The following CAMSAP1 variants were observed in gnomAD, a reference collection of about 807,000 sequenced individuals.
CAMSAP1 encodes calmodulin-regulated spectrin-associated protein 1.
A neutral mutation model predicts 143.5 loss-of-function variants in CAMSAP1; 58 were observed. The ratio of observed to expected loss-of-function variants is 0.40; its 90% CI spans 0.33 to 0.50. The LOEUF is 0.50. Ranked by LOEUF, CAMSAP1 falls within the 20% of genes least tolerant of loss-of-function variation. The pLI is 0.45. For synonymous variants in CAMSAP1, 945 were observed against 859.3 expected, an observed-to-expected ratio of 1.10 and a Z score of -1.74; for missense variants, 1,969 against 2,115.7, an observed-to-expected ratio of 0.93 and a Z score of 1.36.
At chr9:135,847,584 T>C (rs1836601268) in intron 7 of CAMSAP1, among the ~76,000 whole-genome samples, 1 of 150,422 alleles carries the variant, frequency 6.6e-6, no homozygotes, top group Admixed American at 6.6e-5. Flanking sequence ...AAGCCATCAT[T>C]CTCAGCAAAC....
rs1027880576 is a variant in CAMSAP1, at chr9:135,808,565, T to A, written c.*2744A>T. On this transcript the variant is annotated 3_prime_UTR_variant, in exon 17 of 17. Transcript: ENST00000389532. ...AACTACAATTTCAGGGAGGTAAAAG[T>A]ATAACCTAGAAGTAATTTAGAATTA... is the stretch of plus-strand genomic sequence containing the variant. The A allele has an allele frequency of 1.3e-5, 2 of 152,360 alleles. No homozygotes were observed. The highest frequency in any genetic ancestry group is 1.3e-4 in the Admixed American group (2 of 15,300). The allele number at this position is 152,360 out of a possible 1,614,324, so 9.4% of individuals were successfully genotyped here.
At chr9:135,879,899 T>C (rs953442397) in intron 3 of CAMSAP1, among the ~76,000 whole-genome samples, 3 of 151,500 alleles carry the variant, frequency 2.0e-5, no homozygotes, top group Non-Finnish European at 2.9e-5. Context: ...CACAGTACCG[T>C]ACCAAGCAGA....
intron 7 of CAMSAP1, among the ~76,000 whole-genome samples, chr9:135,847,955 A>AAGGGGAAGGGGAGGGGGAGGGGGC (rs1836635097): frequency 1.3e-4 from 2 of 15,482 alleles, no homozygotes; most frequent in Non-Finnish European, 1.3e-4. Context: ...GTGGGGGGGG[A>AAGGGGAAGGGGAGGGGGAGGGGGC]GGGGGAGGAG....
intron 1 of CAMSAP1, among the ~76,000 whole-genome samples, chr9:135,897,548 T>C (rs1211288584): frequency 6.6e-6 from 1 of 152,142 alleles, no homozygotes; most frequent in East Asian, 1.9e-4. Flanking sequence ...TGAATGACAT[T>C]AGGCATAGTA....
Position 135,907,041 on chromosome 9 carries a change from G to A in CAMSAP1, c.119C>T (p.Ala40Val). Residue 40 changes from alanine to valine, a missense_variant, in exon 1 of 17, where the codon GCC (alanine) becomes GTC (valine). By Grantham distance (64) the Ala-to-Val change is moderately conservative (BLOSUM62 0). This residue lies in a region of CAMSAP1 where 215 missense variants were observed against 196.2 expected (regional missense o/e 1.10). Transcript: ENST00000389532. ...DRYDAARAKIAANLQWICAKA... is the reference protein window; with the variant it reads ...DRYDAARAKIVANLQWICAKA... ...GGCGCAGATCCACTGCAGGTTGGCG[G>A]CGATCTTGGCGCGCGCCGCGTCGTA... The A allele has an allele frequency of 1.7e-6, 2 of 1,204,178 alleles. No individual in the cohort carries two copies. Among genetic ancestry groups the A allele is most frequent in the Non-Finnish European group, 2.1e-6 (2 of 957,606 alleles). 74.6% of individuals were successfully genotyped at this position (1,204,178 alleles called of 1,614,324 possible).
Position 135,818,872 on chromosome 9 carries a change from G to T in CAMSAP1, c.3959+138C>A. On this transcript the variant is annotated intron_variant, in intron 12 of 16. Transcript: ENST00000389532. The surrounding 1 kb of genome is among the most constrained non-coding windows in gnomAD (Gnocchi z 7.7). Reference sequence around the variant, plus strand: ...AGCAGGGGCCGTGAAAGTTCGGGGAGGTGGTCCATGGGAGGAGTAAGACCG... The same window carrying T: ...AGCAGGGGCCGTGAAAGTTCGGGGATGTGGTCCATGGGAGGAGTAAGACCG... The T allele has an allele frequency of 7.4e-7, 1 of 1,353,586 alleles. No homozygotes were observed. Among genetic ancestry groups the T allele is most frequent in the Non-Finnish European group, 1.0e-6 (1 of 1,003,332 alleles). The allele number at this position is 1,353,586 out of a possible 1,614,324, so 83.8% of individuals were successfully genotyped here.
chr9:135,879,457 G>A (rs1346457163), intron 3 of CAMSAP1, among the ~76,000 whole-genome samples: 1 of 152,090 alleles, frequency 6.6e-6, no homozygotes, highest in Non-Finnish European at 1.5e-5. Flanking sequence ...GAGAAGGAGA[G>A]TAAGGGACAG....
At chr9:135,837,983 A>AGG (rs1836154975) in intron 7 of CAMSAP1, among the ~76,000 whole-genome samples, 1 of 144,444 alleles carries the variant, frequency 6.9e-6, no homozygotes, top group African/African-American at 2.6e-5. Context: ...ACACATCATC[A>AGG]CACGCTTTCT....
rs1835517957 is a variant in CAMSAP1 at position 135,822,602 on chromosome 9, C to T, written c.2059G>A (p.Gly687Arg). 6 of 1,613,144 alleles carry T rather than the reference C, an allele frequency of 3.7e-6. No homozygotes were observed. The highest frequency in any genetic ancestry group is 2.2e-5 in the East Asian group (1 of 44,830). Reference protein sequence around the residue: ...EVCGGPLALGGFDPFPQGPST... With the variant: ...EVCGGPLALGRFDPFPQGPST... Reference sequence around the variant, plus strand: ...GGTCCCTGGGGGAACGGATCGAATCCGCCAAGGGCCAGAGGCCCACCACAG... The same window carrying T: ...GGTCCCTGGGGGAACGGATCGAATCTGCCAAGGGCCAGAGGCCCACCACAG... The change falls in exon 11 of 17, where the codon GGA (glycine) becomes AGA (arginine). Residue 687 changes from glycine to arginine, a missense_variant. Coordinates refer to ENST00000389532, the MANE Select transcript of CAMSAP1 (RefSeq NM_015447.4). The surrounding 1 kb of genome is among the most constrained non-coding windows in gnomAD (Gnocchi z 6.1).
At chr9:135,863,606 A>G (rs1350842131) in intron 4 of CAMSAP1, among the ~76,000 whole-genome samples, 2 of 152,262 alleles carry the variant, frequency 1.3e-5, no homozygotes, top group Admixed American at 6.5e-5. Flanking sequence ...TGTTATGTCA[A>G]TAAGTACATC....
chr9:135,897,853 T>A (rs1419323744), intron 1 of CAMSAP1, among the ~76,000 whole-genome samples: 1 of 152,236 alleles, frequency 6.6e-6, no homozygotes, highest in Non-Finnish European at 1.5e-5. Flanking sequence ...AGGCCACAGT[T>A]GACCAAAGGT....
chr9:135,851,529 C>A (rs12004408), intron 5 of CAMSAP1, among the ~76,000 whole-genome samples: 1,883 of 152,210 alleles, frequency 0.012, 47 homozygotes, highest in African/African-American at 0.044. Context: ...ATAAAACAGC[C>A]GAAGTCATCT....
chr9:135,862,333 C>T, intron 5 of CAMSAP1, 134 bp downstream of exon 5: 1 of 1,079,726 alleles, frequency 9.3e-7, no homozygotes, highest in Non-Finnish European at 1.3e-6. Flanking sequence ...CATCTATAGG[C>T]TAACATCCCA....
rs1187996718 is a variant in CAMSAP1, at chr9:135,906,971, C to T, written c.160+29G>A. On this transcript the variant is annotated intron_variant, in intron 1 of 16. Transcript: ENST00000389532. ...CCCGGCCCCGGCCCGCGCCCCTGGC[C>T]CCCGCCCCGCGCCCCTCACCCGGCC... The T allele has an allele frequency of 1.3e-5, 14 of 1,040,362 alleles. No individual in the cohort carries two copies. In the East Asian group the frequency reaches 2.8e-4, roughly 20 times the overall value. The allele number at this position is 1,040,362 out of a possible 1,614,324, so 64.4% of individuals were successfully genotyped here.
At chr9:135,883,117 C>CA in intron 1 of CAMSAP1, 39 bp from the exon 2 acceptor site, 1 of 1,546,494 alleles carries the variant, frequency 6.5e-7, no homozygotes, top group South Asian at 1.2e-5. Context: ...GTGCCACACA[C>CA]AAGACCCAAA....
At chr9:135,886,855 T>C (rs1216176615) in intron 1 of CAMSAP1, among the ~76,000 whole-genome samples, 1 of 152,174 alleles carries the variant, frequency 6.6e-6, no homozygotes, top group African/African-American at 2.4e-5. Context: ...AGCAGGCCTG[T>C]GCCTGATGCA....
At chr9:135,905,489 G>A (rs964450363) in intron 1 of CAMSAP1, among the ~76,000 whole-genome samples, 3 of 152,210 alleles carry the variant, frequency 2.0e-5, no homozygotes, top group Admixed American at 1.3e-4. Flanking sequence ...CAGGAGCCAT[G>A]CCCAAGAATG....
At chr9:135,852,582 G>A (rs1053169409) in intron 5 of CAMSAP1, among the ~76,000 whole-genome samples, 3 of 152,104 alleles carry the variant, frequency 2.0e-5, no homozygotes, top group African/African-American at 4.8e-5. Context: ...CAGCCAGCGC[G>A]GCTCCCTCGG....
intron 16 of CAMSAP1, among the ~76,000 whole-genome samples, chr9:135,814,308 GGTTA>G (rs775846364): frequency 6.6e-6 from 1 of 152,202 alleles, no homozygotes; most frequent in Non-Finnish European, 1.5e-5. Flanking sequence ...AAGGACCAGG[GGTTA>G]GTCTTAATTA....
Sources: allele counts gnomAD v4.1 joint callset (sites outside exome capture counted in the v4.1 genomes callset), GRCh38; gene constraint gnomAD v4.1.1; regional missense constraint gnomAD v4.1.1; non-coding constraint Gnocchi (gnomAD v3.1); transcripts MANE v1.5; gene names NCBI Gene and HGNC (gene_info 2026-07-23, HGNC 2026-07-21).